Variants in SETD2 observed in about 807,000 individuals in gnomAD.
SETD2 encodes the protein histone-lysine N-methyltransferase SETD2.
In SETD2, 31 loss-of-function variants were observed where a neutral mutation model predicts 242.1. The observed-to-expected ratio is 0.13, with a 90% CI of 0.10 to 0.17. The LOEUF (loss-of-function observed/expected upper bound fraction) is 0.17, where lower values mean the gene tolerates loss of function less well. SETD2 is among the 10% of genes least tolerant of loss of function. The pLI is 1.00. For synonymous variants in SETD2, 1,006 were observed against 1,066.5 expected (o/e 0.94, Z 1.11); for missense variants, 2,481 against 3,046.3 (o/e 0.81, Z 4.37).
At chr3:47,106,262 A>G in intron 5 of SETD2, 142 bp from the exon 6 acceptor site, 1 of 711,966 alleles carries the variant, frequency 1.4e-6, no homozygotes, top group South Asian at 2.4e-5. Context: ...TTTCAAACAC[A>G]TGTCAAGTAT....
At chr3:47,134,321 G>T (rs1001358674) in intron 1 of SETD2, among the ~76,000 whole-genome samples, 1 of 152,156 alleles carries the variant, frequency 6.6e-6, no homozygotes, top group Non-Finnish European at 1.5e-5. Flanking sequence ...AGCACCTATG[G>T]CGTTATATAT....
Position 47,122,337 on chromosome 3 carries a change from T to C in SETD2, c.2299A>G (p.Thr767Ala), listed in dbSNP as rs564476604. The change falls in exon 3 of 21, where the codon ACT (threonine) becomes GCT (alanine). Residue 767 changes from threonine (T) to alanine (A), a missense_variant. Physicochemically the swap from Thr to Ala is moderately conservative, Grantham distance 58. Around this residue, in one of 17 missense-constraint regions of SETD2, gnomAD observed 1,300 missense variants for 1,259.2 expected, o/e 1.03. Transcript: ENST00000409792. The stretch of plus-strand genomic sequence containing the variant: ...ACTACTGTTTTGGAATAATCCACAG[T>C]CATAACTGGCATAGACATGAGTTTA... ...QDKLMSMPVM[T>A]VDYSKTVVKE... is the part of the protein sequence containing the mutation. 2.2e-5 allele frequency: 35 copies of C among 1,614,206 alleles called. No homozygotes were observed. In the Admixed American group the frequency reaches 4.8e-4, roughly 22 times the overall value.
chr3:47,117,782 T>C (rs747052607), intron 3 of SETD2, among the ~76,000 whole-genome samples: 3 of 152,210 alleles, frequency 2.0e-5, no homozygotes, highest in Non-Finnish European at 4.4e-5. Context: ...TAAAATTTGA[T>C]TGCGTTCATA....
rs201453289 is a variant in SETD2 at position 47,056,949 on chromosome 3, A to C, written c.6835T>G (p.Ser2279Ala). ...NYSVWDSNQQSVSVQQQYSPA... is the reference protein window; with the variant it reads ...NYSVWDSNQQAVSVQQQYSPA... ...GAGTACTGCTGCTGTACACTGACAG[A>C]CTGTTGGTTTGAATCCCAAACACTA... The change falls in exon 15 of 21, where the codon TCT (serine) becomes GCT (alanine). Residue 2279 changes from serine to alanine, a missense_variant. This residue lies in a region of SETD2 where 235 missense variants were observed against 293.9 expected (regional missense o/e 0.80). Coordinates refer to ENST00000409792, the MANE Select transcript of SETD2 (RefSeq NM_014159.7). 3.1e-6 allele frequency: 5 copies of C among 1,614,266 alleles called. No individual in the cohort carries two copies. Among genetic ancestry groups the C allele is most frequent in the Non-Finnish European group, 3.4e-6 (4 of 1,180,048 alleles).
intron 1 of SETD2, among the ~76,000 whole-genome samples, chr3:47,128,392 G>A (rs1390682774): frequency 6.6e-6 from 1 of 152,204 alleles, no homozygotes; most frequent in East Asian, 1.9e-4. Flanking sequence ...AGCTACAAAA[G>A]GACATGACAG....
rs780655547 is a variant in SETD2 at position 47,163,972 on chromosome 3, C to T, written c.-48G>A. 9 of 1,262,640 alleles carry T rather than the reference C, an allele frequency of 7.1e-6. No homozygotes were observed. In the African/African-American group the frequency reaches 1.4e-4, roughly 20 times the overall value. 78.2% of individuals were successfully genotyped at this position (1,262,640 alleles called of 1,614,324 possible). On this transcript the variant is annotated 5_prime_UTR_variant, in exon 1 of 21. Coordinates refer to ENST00000409792, the MANE Select transcript of SETD2 (RefSeq NM_014159.7). ...CGCGAGCCCCCTCCCCGCAGCAGGG[C>T]GACGCGGGGGAGGGGAGGGGAGGAG...
intron 1 of SETD2, among the ~76,000 whole-genome samples, chr3:47,142,024 TG>T (rs1166163671): frequency 5.3e-5 from 8 of 152,220 alleles, no homozygotes; most frequent in Admixed American, 5.2e-4. Context: ...ATAGGATGAT[TG>T]TGAATTACAA....
At chr3:47,164,835 G>A (rs1697624373), upstream of SETD2, among the ~76,000 whole-genome samples, 1 of 152,198 alleles carries the variant, frequency 6.6e-6, no homozygotes. The surrounding 1 kb of genome is among the most constrained non-coding windows in gnomAD (Gnocchi z 5.4). Context: ...CCCACCCGAA[G>A]TCTCCAAGGC....
chr3:47,054,209 T>C (rs1169193626), intron 15 of SETD2, among the ~76,000 whole-genome samples: 2 of 152,166 alleles, frequency 1.3e-5, no homozygotes, highest in Non-Finnish European at 2.9e-5. Flanking sequence ...TACTTCTTGA[T>C]AGGGACAGAA....
intron 1 of SETD2, among the ~76,000 whole-genome samples, chr3:47,153,768 A>AG (rs2044056519): frequency 6.6e-6 from 1 of 152,078 alleles, no homozygotes; most frequent in African/African-American, 2.4e-5. Context: ...GAAAAAAAAA[A>AG]AAAGAGATCC....
intron 18 of SETD2, among the ~76,000 whole-genome samples, chr3:47,033,737 C>T (rs1182311245): frequency 7.0e-6 from 1 of 141,944 alleles, no homozygotes; most frequent in Non-Finnish European, 1.5e-5. Context: ...TCTTGGCTCA[C>T]TGCAACCCCC....
chr3:47,120,977 G>T lies in SETD2; in HGVS notation c.3659C>A (p.Thr1220Asn), dbSNP rs764195998. Residue 1220 changes from threonine (T) to asparagine (N), a missense_variant, in exon 3 of 21, where the codon ACC becomes AAC. Physicochemically the swap from Thr to Asn is moderately conservative, Grantham distance 65. Around this residue, in one of 17 missense-constraint regions of SETD2, gnomAD observed 1,300 missense variants for 1,259.2 expected, o/e 1.03. Transcript: ENST00000409792. The stretch of plus-strand genomic sequence containing the variant: ...ACTATCTGGCCTGTTTTGGAAAGTG[G>T]TCTGTTGCCAAGACTTATTTGGGAC... ...EDVPNKSWQQ[T>N]TFQNRPDSRL... The T allele has an allele frequency of 4.0e-5, 64 of 1,614,190 alleles. No homozygotes were observed. The African/African-American group carries it at 6.7e-4, about 17-fold the overall frequency.
At chr3:47,071,148 G>C (rs1328300398) in intron 12 of SETD2, among the ~76,000 whole-genome samples, 1 of 152,184 alleles carries the variant, frequency 6.6e-6, no homozygotes, top group African/African-American at 2.4e-5. Flanking sequence ...TTGATATTCT[G>C]TAAGTTAGGT....
intron 1 of SETD2, among the ~76,000 whole-genome samples, chr3:47,144,169 T>C (rs1475281117): frequency 1.3e-5 from 2 of 152,078 alleles, no homozygotes; most frequent in African/African-American, 4.8e-5. Flanking sequence ...GCTGACAAAG[T>C]AAATGTATAC....
At position 47,116,669 on chromosome 3, in the gene SETD2, T is replaced by G. The variant is rs199947065; in HGVS notation, c.4540A>C (p.Ile1514Leu). 7 of 1,613,214 alleles carry G rather than the reference T, an allele frequency of 4.3e-6. No homozygotes were observed. The highest frequency in any genetic ancestry group is 1.7e-5 in the Admixed American group (1 of 60,010). The change falls in exon 4 of 21, where the codon ATA becomes CTA. Residue 1514 changes from isoleucine to leucine, a missense_variant. Physicochemically the swap from Ile to Leu is conservative, Grantham distance 5. Around this residue, in one of 17 missense-constraint regions of SETD2, gnomAD observed 1 missense variants for 21.6 expected, o/e 0.05. Coordinates refer to ENST00000409792, the MANE Select transcript of SETD2 (RefSeq NM_014159.7). Reference sequence around the variant, plus strand: ...TTAAGACAATCTTCCCCACATGCTATTTCACCTTGAGCTCTTTCATCTTTA... The same window carrying G: ...TTAAGACAATCTTCCCCACATGCTAGTTCACCTTGAGCTCTTTCATCTTTA... ...LSKDERAQGE[I>L]ACGEDCLNRL...
At position 47,124,467 on chromosome 3, in the gene SETD2, T is replaced by C; in HGVS notation, c.169A>G (p.Lys57Glu). 6.4e-7 allele frequency: 1 copy of C among 1,551,840 alleles called. No individual in the cohort carries two copies. The highest frequency in any genetic ancestry group is 8.7e-7 in the Non-Finnish European group (1 of 1,147,018). ...KGVASSRFLP[K>E]GTKTKVNLEE... ...AAATTAACTTTTGTTTTGGTGCCTT[T>C]GGGCAAAAATCGACTAGAAGCAACA... is the stretch of plus-strand genomic sequence containing the variant. Residue 57 changes from lysine (K) to glutamate (E), a missense_variant, in exon 3 of 21, where the codon AAA becomes GAA. By Grantham distance (56) the Lys-to-Glu change is moderately conservative. Coordinates refer to ENST00000409792, the MANE Select transcript of SETD2 (RefSeq NM_014159.7).
chr3:47,062,792 T>A (rs1435909018), intron 13 of SETD2, among the ~76,000 whole-genome samples: 1 of 152,122 alleles, frequency 6.6e-6, no homozygotes, highest in Non-Finnish European at 1.5e-5. Flanking sequence ...AAAGTTTATT[T>A]TTTTTTTTAA....
At chr3:47,041,049 G>A (rs1369823882) in intron 17 of SETD2, among the ~76,000 whole-genome samples, 1 of 152,082 alleles carries the variant, frequency 6.6e-6, no homozygotes, top group Non-Finnish European at 1.5e-5. Context: ...GATGCCCAAG[G>A]TTATAGTTAG....
In SETD2 at chr3:47,075,763, C is replaced by T. The variant is rs529767557; in HGVS notation, c.6060+7957G>A. On this transcript the variant is annotated intron_variant, in intron 12 of 20. Coordinates refer to ENST00000409792, the MANE Select transcript of SETD2 (RefSeq NM_014159.7). ...AAAAGCTAAGTTACAACCTCATGGG[C>T]CTGTTTGATTCCACTTTACAGCTGA... 6.6e-5 allele frequency among the ~76,000 whole-genome samples: 10 copies of T among 152,178 alleles called. No homozygotes were observed. The South Asian group carries it at 2.1e-3, about 32-fold the overall frequency.
Sources: gnomAD v4.1 joint callset for allele counts (sites outside exome capture counted in the v4.1 genomes callset) on GRCh38, gnomAD v4.1.1 for gene constraint, gnomAD v4.1.1 regional missense constraint, Gnocchi (gnomAD v3.1) non-coding constraint, MANE v1.5 for transcripts, NCBI Gene and HGNC (gene_info 2026-07-23, HGNC 2026-07-21) for gene names.